ASIC2: variants seen among roughly 807,000 people sequenced by gnomAD.
The protein encoded by ASIC2 is acid-sensing ion channel 2.
Under a neutral mutation model 57.3 loss-of-function variants are expected in ASIC2, and 25 were observed. The observed-to-expected ratio is 0.44, with a 90% CI of 0.32 to 0.61. The LOEUF is 0.61. Among genes scored for constraint, ASIC2 ranks in the 20% least tolerant of loss-of-function variants. The probability of loss-of-function intolerance (pLI) is 0.06; values close to 1 mark genes in which losing one functional copy is unlikely to be tolerated. For missense variants in ASIC2, 641 were observed against 738.1 expected, an observed-to-expected ratio of 0.87 and a Z score of 1.52; for synonymous variants, 319 against 307.5, an observed-to-expected ratio of 1.04 and a Z score of -0.39.
chr17:33,527,898 T>A (rs1914931791), intron 1 of ASIC2, among the ~76,000 whole-genome samples: 1 of 152,136 alleles, frequency 6.6e-6, no homozygotes, highest in African/African-American at 2.4e-5. Context: ...AGGGTAGGAC[T>A]GGATTAGATG....
intron 1 of ASIC2, among the ~76,000 whole-genome samples, chr17:33,770,677 C>T (rs181818466): frequency 7.2e-5 from 11 of 152,344 alleles, no homozygotes; most frequent in Non-Finnish European, 1.5e-4. Flanking sequence ...CCCATGGAGA[C>T]AGCAATTCCC....
At chr17:33,585,643 C>G (rs946091724) in intron 1 of ASIC2, among the ~76,000 whole-genome samples, 1 of 152,062 alleles carries the variant, frequency 6.6e-6, no homozygotes, top group African/African-American at 2.4e-5. Flanking sequence ...TATGGGAAAC[C>G]GTGTAATGCT....
chr17:33,228,721 C>T (rs562445134), intron 1 of ASIC2, among the ~76,000 whole-genome samples: 1 of 152,362 alleles, frequency 6.6e-6, no homozygotes, highest in South Asian at 2.1e-4. Context: ...TGACATCGGC[C>T]TCCTGCCAGT....
chr17:33,710,720 G>T (rs781037635), intron 1 of ASIC2, among the ~76,000 whole-genome samples: 3 of 152,158 alleles, frequency 2.0e-5, no homozygotes, highest in African/African-American at 4.8e-5. Flanking sequence ...TGAGGGAGAA[G>T]AAAGGTTGTG....
chr17:33,477,781 T>G (rs570110776), intron 1 of ASIC2, among the ~76,000 whole-genome samples: 1 of 152,312 alleles, frequency 6.6e-6, no homozygotes, highest in South Asian at 2.1e-4. Context: ...GTAGGCTTCC[T>G]GCTGGAAGCT....
At chr17:33,526,000 A>T (rs1036785703) in intron 1 of ASIC2, among the ~76,000 whole-genome samples, 2 of 152,162 alleles carry the variant, frequency 1.3e-5, no homozygotes, top group African/African-American at 4.8e-5. Flanking sequence ...TCACAGATAC[A>T]AATCTCTAGT....
chr17:33,266,384 T>C (rs747179916), intron 1 of ASIC2, among the ~76,000 whole-genome samples: 1 of 152,074 alleles, frequency 6.6e-6, no homozygotes, highest in Non-Finnish European at 1.5e-5. Context: ...GAAAATGAAG[T>C]TCCATTTTGG....
At chr17:34,115,407 C>A (rs1253871661) in intron 1 of ASIC2, among the ~76,000 whole-genome samples, 4 of 152,174 alleles carry the variant, frequency 2.6e-5, no homozygotes, top group Non-Finnish European at 5.9e-5. Flanking sequence ...AGTCACTCAA[C>A]CCCTGCTTGA....
chr17:33,108,548 A>G (rs1041862264), intron 2 of ASIC2, among the ~76,000 whole-genome samples: 1 of 152,156 alleles, frequency 6.6e-6, no homozygotes, highest in East Asian at 1.9e-4. Flanking sequence ...ACAGACAAGC[A>G]TCTCTCACCT....
At chr17:33,405,480 T>G (rs1003126654) in intron 1 of ASIC2, among the ~76,000 whole-genome samples, 4 of 113,878 alleles carry the variant, frequency 3.5e-5, no homozygotes, top group African/African-American at 1.5e-4. Context: ...CTTTTTCTTT[T>G]TTCTTTCTTT....
intron 1 of ASIC2, among the ~76,000 whole-genome samples, chr17:33,351,185 T>C (rs760602560): frequency 6.6e-6 from 1 of 152,178 alleles, no homozygotes; most frequent in Non-Finnish European, 1.5e-5. Flanking sequence ...ATCTACATCA[T>C]AGAATGAATC....
chr17:33,712,452 T>C (rs917189007), intron 1 of ASIC2, among the ~76,000 whole-genome samples: 4 of 152,140 alleles, frequency 2.6e-5, no homozygotes, highest in Non-Finnish European at 5.9e-5. Flanking sequence ...CAAAACTTGA[T>C]GGCTTAAAGC....
chr17:33,717,516 C>A (rs145217646), intron 1 of ASIC2, among the ~76,000 whole-genome samples: 2 of 152,156 alleles, frequency 1.3e-5, no homozygotes, highest in Non-Finnish European at 2.9e-5. Flanking sequence ...GATGGGAGGT[C>A]ATAATGCTGG....
chr17:33,698,747 G>C (rs1204471847), intron 1 of ASIC2, among the ~76,000 whole-genome samples: 1 of 152,118 alleles, frequency 6.6e-6, no homozygotes, highest in African/African-American at 2.4e-5. Context: ...TTCTGCTGGG[G>C]AGGAAAGGGC....
intron 1 of ASIC2, among the ~76,000 whole-genome samples, chr17:33,551,957 G>T (rs1251046534): frequency 6.6e-6 from 1 of 152,186 alleles, no homozygotes; most frequent in Non-Finnish European, 1.5e-5. Context: ...GAAATGAGAT[G>T]TGTTGTCTGT....
chr17:33,271,577 G>A (rs113948632), intron 1 of ASIC2, among the ~76,000 whole-genome samples: 1 of 152,088 alleles, frequency 6.6e-6, no homozygotes, highest in African/African-American at 2.4e-5. Context: ...AGTTATTCTT[G>A]AGCCCTGCTT....
chr17:33,482,768 T>G (rs1175117142), intron 1 of ASIC2, among the ~76,000 whole-genome samples: 2 of 152,172 alleles, frequency 1.3e-5, no homozygotes, highest in East Asian at 3.9e-4. Context: ...TCACCCCCAA[T>G]GCCAACCTTC....
intron 1 of ASIC2, among the ~76,000 whole-genome samples, chr17:33,852,238 C>T (rs1402754281): frequency 6.6e-6 from 1 of 152,194 alleles, no homozygotes; most frequent in African/African-American, 2.4e-5. Context: ...GGCCTTTTAC[C>T]AAAGCAGTTC....
At chr17:33,087,159 C>T (rs950880785) in intron 3 of ASIC2, among the ~76,000 whole-genome samples, 1 of 152,198 alleles carries the variant, frequency 6.6e-6, no homozygotes, top group East Asian at 1.9e-4. Flanking sequence ...ACCCAGGCTG[C>T]CTGTCCATCT....
Sources: gnomAD v4.1 joint callset for allele counts (sites outside exome capture counted in the v4.1 genomes callset) on GRCh38, gnomAD v4.1.1 for gene constraint, MANE v1.5 for transcripts, NCBI Gene and HGNC (gene_info 2026-07-23, HGNC 2026-07-21) for gene names.